Variants in DMXL1 observed in about 807,000 individuals in gnomAD.
DMXL1 encodes Dmx like 1.
In DMXL1, 99 loss-of-function variants were observed where a neutral mutation model predicts 319.2. That is an observed-to-expected ratio of 0.31 (90% CI 0.26 to 0.37). The LOEUF (loss-of-function observed/expected upper bound fraction) is 0.37. DMXL1 is among the 10% of genes least tolerant of loss of function. The pLI is 1.00. For missense variants in DMXL1, 3,745 were observed against 3,595.6 expected (o/e 1.04, Z -1.06); for synonymous variants, 1,385 against 1,235.2 (o/e 1.12, Z -2.54).
At chr5:119,220,132 G>C (rs142637342) in intron 35 of DMXL1, among the ~76,000 whole-genome samples, 1 of 151,688 alleles carries the variant, frequency 6.6e-6, no homozygotes, top group Non-Finnish European at 1.5e-5. Flanking sequence ...TACCCTACAG[G>C]TTCCTATCTT....
intron 26 of DMXL1, among the ~76,000 whole-genome samples, chr5:119,177,044 C>T (rs1038243172): frequency 2.6e-5 from 4 of 152,078 alleles, no homozygotes; most frequent in South Asian, 2.1e-4. Context: ...TGAGCCTAAA[C>T]GGACTTCATT....
intron 25 of DMXL1, among the ~76,000 whole-genome samples, chr5:119,172,813 T>C (rs1364233418): frequency 6.6e-6 from 1 of 152,196 alleles, no homozygotes; most frequent in African/African-American, 2.4e-5. Context: ...TTTTCTGTTT[T>C]CCTGATGGTG....
At chr5:119,154,667 T>C (rs555332781) in intron 19 of DMXL1, 118 of 154,450 alleles carry the variant, frequency 7.6e-4, no homozygotes, top group African/African-American at 2.5e-3. Context: ...ATGCTGAAGC[T>C]TCTACGTCAT....
chr5:119,094,532 A>G (rs1319834637), intron 1 of DMXL1, among the ~76,000 whole-genome samples: 1 of 152,254 alleles, frequency 6.6e-6, no homozygotes, highest in African/African-American at 2.4e-5. Context: ...TGTAGTTTTT[A>G]TGCTTGCTAA....
chr5:119,235,214 T>G (rs1013720932), intron 39 of DMXL1, among the ~76,000 whole-genome samples: 1 of 152,192 alleles, frequency 6.6e-6, no homozygotes, highest in South Asian at 2.1e-4. Flanking sequence ...TCAGAAAAAC[T>G]AAGTGTCTGG....
intron 7 of DMXL1, among the ~76,000 whole-genome samples, chr5:119,116,910 CT>C (rs995480423): frequency 7.4e-5 from 11 of 148,504 alleles, no homozygotes; most frequent in East Asian, 2.0e-4. Flanking sequence ...TCAGTATCTT[CT>C]TTTTTTTTTC....
chr5:119,124,963 G>A (rs978922334), intron 9 of DMXL1, among the ~76,000 whole-genome samples: 1 of 152,090 alleles, frequency 6.6e-6, no homozygotes, highest in Non-Finnish European at 1.5e-5. Context: ...ACAAATTATA[G>A]ACATTTTATC....
chr5:119,171,310 G>T lies in DMXL1; in HGVS notation c.6489+30G>T, dbSNP rs770032214. On this transcript the variant is annotated intron_variant, in intron 24 of 43. Transcript: ENST00000539542. ...GTAATTTACTTGATAGTCAAAAATGGTACATGTCTAAAACTGTTTTTGGTG... is the reference window on the plus strand; with the variant it reads ...GTAATTTACTTGATAGTCAAAAATGTTACATGTCTAAAACTGTTTTTGGTG... The T allele has an allele frequency of 4.5e-6, 7 of 1,544,964 alleles. No individual in the cohort carries two copies. The African/African-American group carries it at 6.9e-5, about 15-fold the overall frequency.
intron 38 of DMXL1, among the ~76,000 whole-genome samples, chr5:119,231,505 A>G (rs1265030221): frequency 1.3e-5 from 2 of 152,236 alleles, no homozygotes; most frequent in African/African-American, 4.8e-5. Flanking sequence ...AACAGTAGGC[A>G]CAAGGGGCCT....
chr5:119,128,060 G>C, intron 9 of DMXL1: 1 of 450,156 alleles, frequency 2.2e-6, no homozygotes, highest in East Asian at 5.7e-5. Context: ...TTTACTATCA[G>C]TGTAGTCAGT....
At position 119,233,396 on chromosome 5, in the gene DMXL1, C is replaced by A. The variant is rs367678954; in HGVS notation, c.8395C>A (p.Gln2799Lys). The change falls in exon 39 of 44, where the codon CAA becomes AAA. Residue 2799 changes from glutamine (Q) to lysine (K), a missense_variant. By Grantham distance (53) the Gln-to-Lys change is moderately conservative (BLOSUM62 1). Coordinates refer to ENST00000539542, the MANE Select transcript of DMXL1 (RefSeq NM_001290321.3). ...VRMFEWGHSQ[Q>K]ITCFRSGGNS... ...AATGTTTGAATGGGGCCATTCTCAA[C>A]AAATAACCTGTTTTCGATCTGGTGG... 6.2e-6 allele frequency: 10 copies of A among 1,612,928 alleles called. No individual in the cohort carries two copies. The highest frequency in any genetic ancestry group is 8.5e-6 in the Non-Finnish European group (10 of 1,179,214).
At chr5:119,221,780 A>C (rs1784684638) in intron 37 of DMXL1, among the ~76,000 whole-genome samples, 1 of 110,010 alleles carries the variant, frequency 9.1e-6, no homozygotes, top group Admixed American at 1.0e-4. Context: ...CAGGACAAAT[A>C]TTCTTTTTTT....
intron 8 of DMXL1, among the ~76,000 whole-genome samples, chr5:119,120,303 A>G (rs1761765199): frequency 6.6e-6 from 1 of 152,258 alleles, no homozygotes; most frequent in African/African-American, 2.4e-5. Flanking sequence ...CTCAGAATAT[A>G]ATAAATTCTG....
At chr5:119,081,248 C>T (rs1353130005) in intron 1 of DMXL1, among the ~76,000 whole-genome samples, 3 of 152,266 alleles carry the variant, frequency 2.0e-5, no homozygotes, top group Middle Eastern at 6.8e-3. Context: ...TTCTTCACTC[C>T]CAGCTTAAAA....
In DMXL1 at chr5:119,247,666, A is replaced by AT. The variant is rs1790017064; in HGVS notation, c.*450dup. 1 of 152,624 alleles carries AT rather than the reference A, an allele frequency of 6.6e-6. No homozygotes were observed. Among genetic ancestry groups the AT allele is most frequent in the Non-Finnish European group, 1.5e-5 (1 of 68,360 alleles). The allele number at this position is 152,624 out of a possible 1,614,324, so 9.5% of individuals were successfully genotyped here. A position where few individuals can be genotyped will look rare whatever the true frequency, so the allele number is the denominator to read the frequency against. On this transcript the variant is annotated 3_prime_UTR_variant, in exon 44 of 44. Coordinates refer to ENST00000539542, the MANE Select transcript of DMXL1 (RefSeq NM_001290321.3). ...ACTCTTCTCTTAATTAATGATAGGTATTTGAGTAAGAATGAAAAAAATAAT... is the reference window on the plus strand; with the variant it reads ...ACTCTTCTCTTAATTAATGATAGGTATTTTGAGTAAGAATGAAAAAAATAAT...
intron 2 of DMXL1, 22 bp downstream of exon 2, chr5:119,098,126 T>G (rs201016450): frequency 1.3e-5 from 21 of 1,593,346 alleles, no homozygotes; most frequent in Non-Finnish European, 9.4e-6. Context: ...TCTTCTAATA[T>G]ACAAATTTGT....
At chr5:119,093,629 T>G (rs1755295208) in intron 1 of DMXL1, among the ~76,000 whole-genome samples, 1 of 152,186 alleles carries the variant, frequency 6.6e-6, no homozygotes, top group Admixed American at 6.5e-5. Context: ...ATCTCTTTCT[T>G]TAAATCAAAA....
Position 119,108,308 on chromosome 5 carries a change from T to G in DMXL1, c.365-1843T>G, listed in dbSNP as rs1758801133. Among the ~76,000 whole-genome samples, 3 of 152,230 alleles carry G rather than the reference T, an allele frequency of 2.0e-5. No individual in the cohort carries two copies. The South Asian group carries it at 6.2e-4, about 31-fold the overall frequency. The stretch of plus-strand genomic sequence containing the variant: ...GCTTTTTTGCCAAAATTGCTTGTCT[T>G]TTGTATGGATGATAGCACGGCCTTC... On this transcript the variant is annotated intron_variant, in intron 4 of 43. Transcript: ENST00000539542.
chr5:119,196,506 T>A, intron 31 of DMXL1, 50 bp downstream of exon 31: 4 of 1,039,780 alleles, frequency 3.8e-6, no homozygotes, highest in Non-Finnish European at 5.8e-6. Flanking sequence ...TTTGACTTAC[T>A]ACTCTGTTGT....
Sources: allele counts gnomAD v4.1 joint callset (sites outside exome capture counted in the v4.1 genomes callset), GRCh38; gene constraint gnomAD v4.1.1; transcripts MANE v1.5; gene names NCBI Gene and HGNC (gene_info 2026-07-23, HGNC 2026-07-21).